The following DCDC2 variants were observed in gnomAD, a reference collection of about 807,000 sequenced individuals.
DCDC2 encodes doublecortin domain-containing protein 2.
Under a neutral mutation model 50.2 loss-of-function variants are expected in DCDC2, and 40 were observed. The observed-to-expected ratio is 0.80, with a 90% CI of 0.62 to 1.04. The LOEUF (loss-of-function observed/expected upper bound fraction) is 1.04, where lower values mean the gene tolerates loss of function less well. DCDC2 is among the 50% of genes least tolerant of loss of function. The probability of loss-of-function intolerance (pLI) is 0.00; values close to 1 mark genes in which losing one functional copy is unlikely to be tolerated. For missense variants in DCDC2, 570 were observed against 581.9 expected (o/e 0.98, Z 0.21); for synonymous variants, 234 against 210.6 (o/e 1.11, Z -0.96).
intron 8 of DCDC2, among the ~76,000 whole-genome samples, chr6:24,192,478 C>T (rs535093463): frequency 1.3e-5 from 2 of 151,838 alleles, no homozygotes; most frequent in Non-Finnish European, 2.9e-5. Flanking sequence ...GAGATCAAAA[C>T]ATAGAGACAA....
At chr6:24,352,132 T>G (rs1253109285) in intron 2 of DCDC2, among the ~76,000 whole-genome samples, 1 of 152,094 alleles carries the variant, frequency 6.6e-6, no homozygotes, top group African/African-American at 2.4e-5. Flanking sequence ...AAAAAGTATA[T>G]TCGATAAATC....
chr6:24,380,824 T>C, the DCDC2 span, among the ~76,000 whole-genome samples: 2 of 152,196 alleles, frequency 1.3e-5, no homozygotes, highest in East Asian at 3.8e-4. Context: ...CCGAGTGCAG[T>C]AGCTCATACC....
At chr6:24,331,901 G>A (rs1212214336) in intron 2 of DCDC2, among the ~76,000 whole-genome samples, 2 of 152,180 alleles carry the variant, frequency 1.3e-5, no homozygotes, top group Non-Finnish European at 1.5e-5. Flanking sequence ...ATTATGTATA[G>A]ATTGGAATAA....
At chr6:24,281,390 G>C (rs1349123513) in intron 6 of DCDC2, among the ~76,000 whole-genome samples, 1 of 145,870 alleles carries the variant, frequency 6.9e-6, no homozygotes, top group Non-Finnish European at 1.5e-5. Context: ...CCCCAGGCTG[G>C]CCTCAAATTC....
At chr6:24,381,069 G>A in the DCDC2 span, among the ~76,000 whole-genome samples, 1 of 146,356 alleles carries the variant, frequency 6.8e-6, no homozygotes, top group African/African-American at 2.6e-5. Context: ...GTGACAGAGT[G>A]AAGTCTTGTC....
intron 2 of DCDC2, among the ~76,000 whole-genome samples, chr6:24,350,104 G>C (rs1310071945): frequency 6.6e-6 from 1 of 152,112 alleles, no homozygotes; most frequent in Non-Finnish European, 1.5e-5. Flanking sequence ...AGGCCATAAA[G>C]AGGAAGAGGA....
chr6:24,233,490 A>G (rs1762378973), intron 7 of DCDC2, among the ~76,000 whole-genome samples: 1 of 152,190 alleles, frequency 6.6e-6, no homozygotes, highest in African/African-American at 2.4e-5. Flanking sequence ...TAAATTGCTT[A>G]GTGTCAGAAG....
chr6:24,299,758 A>T (rs1266948101), intron 4 of DCDC2, among the ~76,000 whole-genome samples: 29 of 151,858 alleles, frequency 1.9e-4, no homozygotes, highest in Admixed American at 1.9e-3. Flanking sequence ...TACGAAAAAA[A>T]ATTTTTTTTA....
the DCDC2 span, among the ~76,000 whole-genome samples, chr6:24,372,370 G>C: frequency 2.6e-5 from 4 of 151,756 alleles, no homozygotes; most frequent in African/African-American, 9.7e-5. Flanking sequence ...AGTGAGCCGA[G>C]ATGGCGCCAC....
chr6:24,173,332 A>T lies in DCDC2; in HGVS notation c.*1398T>A, dbSNP rs1218943080. The T allele has an allele frequency of 6.6e-6, 1 of 152,156 alleles. No homozygotes were observed. Among genetic ancestry groups the T allele is most frequent in the Non-Finnish European group, 1.5e-5 (1 of 68,012 alleles). The allele number at this position is 152,156 out of a possible 1,614,324, so 9.4% of individuals were successfully genotyped here. On this transcript the variant is annotated 3_prime_UTR_variant, in exon 10 of 10. Transcript: ENST00000378454. ...TGCTTTATATAACTGCCAACTCTTT[A>T]TTCCAAATGAAACCTGGAAGAGAAA...
chr6:24,363,157 A>T, the DCDC2 span, among the ~76,000 whole-genome samples: 1 of 152,138 alleles, frequency 6.6e-6, no homozygotes, highest in Non-Finnish European at 1.5e-5. Context: ...AATGAGAGAG[A>T]TGGCCAAAGA....
intron 9 of DCDC2, among the ~76,000 whole-genome samples, chr6:24,176,252 C>T (rs773800385): frequency 7.9e-5 from 12 of 151,832 alleles, no homozygotes; most frequent in Non-Finnish European, 1.0e-4. Context: ...GCTGTGATCA[C>T]GCCACTGAAC....
chr6:24,226,104 C>T (rs955862769), intron 7 of DCDC2, among the ~76,000 whole-genome samples: 1 of 152,040 alleles, frequency 6.6e-6, no homozygotes, highest in African/African-American at 2.4e-5. Flanking sequence ...TAATACTTGC[C>T]CACAGTGGAT....
chr6:24,206,855 C>A lies in DCDC2; in HGVS notation c.923-1753G>T, dbSNP rs190411792. On this transcript the variant is annotated intron_variant, in intron 7 of 9. Transcript: ENST00000378454. ...CAGTGACACAAAGAGAATATAAATA[C>A]TTTTTTTAAATGGTTGCCTCAGGTG... Among the ~76,000 whole-genome samples the A allele has an allele frequency of 3.4e-3, 522 of 152,218 alleles. 6 individuals carry two copies. The highest frequency in any genetic ancestry group is 0.012 in the African/African-American group (500 of 41,544).
intron 6 of DCDC2, among the ~76,000 whole-genome samples, chr6:24,282,975 ATTT>A (rs543357114): frequency 6.6e-6 from 1 of 151,568 alleles, no homozygotes; most frequent in East Asian, 1.9e-4. Flanking sequence ...TAATAACGAA[ATTT>A]TTTTGTCAAA....
upstream of DCDC2, among the ~76,000 whole-genome samples, chr6:24,359,288 ATTT>A (rs1220649815): frequency 4.8e-4 from 34 of 71,296 alleles, no homozygotes; most frequent in East Asian, 1.4e-3. Context: ...TATATTATAT[ATTT>A]TATATTTTTT....
At chr6:24,215,023 C>A (rs6936111) in intron 7 of DCDC2, among the ~76,000 whole-genome samples, 4,015 of 152,138 alleles carry the variant, frequency 0.026, 92 homozygotes, top group African/African-American at 0.058. Context: ...TATTATCTAC[C>A]GGGGGGTCAC....
chr6:24,230,956 TCAATAA>T (rs924859829), intron 7 of DCDC2, among the ~76,000 whole-genome samples: 5 of 152,074 alleles, frequency 3.3e-5, no homozygotes, highest in Admixed American at 3.3e-4. Flanking sequence ...CATGCTCCAC[TCAATAA>T]CAATAAGGGA....
intron 7 of DCDC2, among the ~76,000 whole-genome samples, chr6:24,261,329 C>A (rs773737115): frequency 2.0e-5 from 3 of 151,142 alleles, no homozygotes; most frequent in Non-Finnish European, 4.4e-5. Flanking sequence ...AACTTCTTAG[C>A]CCAAGCCAAA....
Sources: gnomAD v4.1 joint callset for allele counts (sites outside exome capture counted in the v4.1 genomes callset) on GRCh38, gnomAD v4.1.1 for gene constraint, MANE v1.5 for transcripts, NCBI Gene and HGNC (gene_info 2026-07-23, HGNC 2026-07-21) for gene names.